The following SDK1 variants were observed in gnomAD, a reference collection of about 807,000 sequenced individuals.
The protein encoded by SDK1 is sidekick cell adhesion molecule 1.
In SDK1, 157 loss-of-function variants were observed where a neutral mutation model predicts 245.5. The observed-to-expected ratio is 0.64, with a 90% confidence interval of 0.56 to 0.73. The LOEUF is 0.73. SDK1 is among the 30% of genes least tolerant of loss of function. SDK1 has a pLI of 0.00. For missense variants in SDK1, 3,583 were observed against 3,002.3 expected, an observed-to-expected ratio of 1.19 and a Z score of -4.52; for synonymous variants, 1,647 against 1,278.5, an observed-to-expected ratio of 1.29 and a Z score of -6.15.
rs1788613151 is a variant in SDK1 at position 4,268,572 on chromosome 7, G to A, written c.*3188G>A. The A allele has an allele frequency of 7.4e-7, 1 of 1,344,268 alleles. No homozygotes were observed. The highest frequency in any genetic ancestry group is 9.9e-7 in the Non-Finnish European group (1 of 1,010,246). The allele number at this position is 1,344,268 out of a possible 1,614,324, so 83.3% of individuals were successfully genotyped here. A position where few individuals can be genotyped will look rare whatever the true frequency, so the allele number is the denominator to read the frequency against. ...CCGGGAGGTGGCTCACTCTGTACAG[G>A]TCTTCGGAGGCCGTGTTTGTATCTA... is the stretch of plus-strand genomic sequence containing the variant. On this transcript the variant is annotated 3_prime_UTR_variant, in exon 45 of 45. Transcript: ENST00000404826.
chr7:4,172,106 C>T (rs985209961), intron 32 of SDK1, among the ~76,000 whole-genome samples: 20 of 152,118 alleles, frequency 1.3e-4, no homozygotes, highest in Non-Finnish European at 2.9e-5. Context: ...CTCAGTTGTT[C>T]CCGTTATGCT....
chr7:3,813,989 T>C (rs1274201139), intron 4 of SDK1, among the ~76,000 whole-genome samples: 19 of 125,452 alleles, frequency 1.5e-4, no homozygotes, highest in Middle Eastern at 3.8e-3. Context: ...TTTGTTTGAG[T>C]TCATTGTAGA....
chr7:3,491,364 C>T (rs1442323872), intron 1 of SDK1, among the ~76,000 whole-genome samples: 1 of 152,218 alleles, frequency 6.6e-6, no homozygotes, highest in Non-Finnish European at 1.5e-5. Context: ...ACCCAGGCAT[C>T]AGTATTTTGC....
chr7:3,720,845 A>C (rs974727950), intron 4 of SDK1, among the ~76,000 whole-genome samples: 2 of 152,252 alleles, frequency 1.3e-5, no homozygotes, highest in Non-Finnish European at 2.9e-5. Context: ...GGAAAAGTTC[A>C]AATATCTTGC....
At chr7:4,228,939 G>A (rs1056236285) in intron 40 of SDK1, among the ~76,000 whole-genome samples, 2 of 152,164 alleles carry the variant, frequency 1.3e-5, no homozygotes, top group African/African-American at 4.8e-5. Context: ...CTGGGTGATT[G>A]ACAAGTGGCT....
intron 1 of SDK1, among the ~76,000 whole-genome samples, chr7:3,518,806 G>C (rs2128613773): frequency 6.6e-6 from 1 of 152,056 alleles, no homozygotes; most frequent in East Asian, 1.9e-4. Context: ...CATTTATCCA[G>C]AGGAAAGGAA....
intron 5 of SDK1, among the ~76,000 whole-genome samples, chr7:3,828,263 G>A (rs1360341561): frequency 1.3e-5 from 2 of 151,958 alleles, no homozygotes; most frequent in Non-Finnish European, 2.9e-5. Flanking sequence ...AGGCGACGGA[G>A]CAAGACTCTC....
intron 4 of SDK1, among the ~76,000 whole-genome samples, chr7:3,759,872 T>C (rs1287414587): frequency 6.6e-6 from 1 of 152,118 alleles, no homozygotes; most frequent in Admixed American, 6.6e-5. Flanking sequence ...GGATTACAGG[T>C]GTGAGCCACT....
At chr7:4,010,040 C>G (rs985294627) in intron 14 of SDK1, among the ~76,000 whole-genome samples, 3 of 152,212 alleles carry the variant, frequency 2.0e-5, no homozygotes, top group Non-Finnish European at 4.4e-5. Flanking sequence ...TCTTTCTGAC[C>G]ATCTCTAATG....
chr7:3,677,781 T>A (rs1263701127), intron 4 of SDK1, among the ~76,000 whole-genome samples: 1 of 152,208 alleles, frequency 6.6e-6, no homozygotes, highest in Non-Finnish European at 1.5e-5. Context: ...CAGTGTGGTA[T>A]TAGTGGAGGG....
At chr7:4,022,364 T>G (rs2128154516) in intron 17 of SDK1, among the ~76,000 whole-genome samples, 1 of 152,258 alleles carries the variant, frequency 6.6e-6, no homozygotes, top group Non-Finnish European at 1.5e-5. Context: ...GGAAATGAGA[T>G]GTAATTCATC....
intron 5 of SDK1, among the ~76,000 whole-genome samples, chr7:3,912,567 A>G (rs1779211348): frequency 6.6e-6 from 1 of 152,202 alleles, no homozygotes; most frequent in South Asian, 2.1e-4. Flanking sequence ...CAGTGGACTG[A>G]AGATAGGGAA....
chr7:4,114,260 G>T lies in SDK1; in HGVS notation c.3809G>T (p.Arg1270Leu). 6.2e-7 allele frequency: 1 copy of T among 1,604,222 alleles called. No individual in the cohort carries two copies. The highest frequency in any genetic ancestry group is 2.2e-5 in the East Asian group (1 of 44,520). ...AGPWSEVVRG[R>L]TRESVPSAAP... ...CCGTGGAGCGAGGTGGTGCGGGGCC[G>T]GACGCGGGAGTCAGGTGAGGGGAAG... Residue 1270 changes from arginine (R) to leucine (L), a missense_variant, in exon 25 of 45, where the codon CGG becomes CTG. Transcript: ENST00000404826.
At chr7:4,004,088 T>C (rs1400976939) in intron 14 of SDK1, among the ~76,000 whole-genome samples, 1 of 152,242 alleles carries the variant, frequency 6.6e-6, no homozygotes, top group East Asian at 1.9e-4. Flanking sequence ...TCAAGGTTAC[T>C]GTGAAAGTTG....
chr7:4,235,167 T>A (rs1226850253), intron 41 of SDK1, among the ~76,000 whole-genome samples: 1 of 152,062 alleles, frequency 6.6e-6, no homozygotes, highest in African/African-American at 2.4e-5. Flanking sequence ...GAGGACCACC[T>A]GATTTTATTT....
At chr7:3,704,363 ATTTT>A (rs34389322) in intron 4 of SDK1, among the ~76,000 whole-genome samples, 4 of 143,400 alleles carry the variant, frequency 2.8e-5, no homozygotes, top group African/African-American at 7.6e-5. Flanking sequence ...GCCAATATCG[ATTTT>A]TTTTTTTTTT....
intron 13 of SDK1, 27 bp downstream of exon 13, chr7:3,974,572 C>G (rs952725594): frequency 1.9e-6 from 3 of 1,604,486 alleles, no homozygotes; most frequent in Non-Finnish European, 1.7e-6. Flanking sequence ...TTGGTGTTAG[C>G]CAGTCCGCGG....
At chr7:4,001,272 G>T (rs1444996140) in intron 14 of SDK1, among the ~76,000 whole-genome samples, 2 of 152,200 alleles carry the variant, frequency 1.3e-5, no homozygotes, top group Non-Finnish European at 1.5e-5. Context: ...CCACCATTAG[G>T]ATTGGTCTCC....
chr7:3,802,534 C>CA (rs201330492), intron 4 of SDK1, among the ~76,000 whole-genome samples: 374 of 142,222 alleles, frequency 2.6e-3, no homozygotes, highest in Middle Eastern at 7.2e-3. Context: ...GACCCTATAT[C>CA]AAAAAAAAAA....
Sources: allele counts gnomAD v4.1 joint callset (sites outside exome capture counted in the v4.1 genomes callset), GRCh38; gene constraint gnomAD v4.1.1; transcripts MANE v1.5; gene names NCBI Gene and HGNC (gene_info 2026-07-23, HGNC 2026-07-21).